The following PRKAG2 variants were observed in gnomAD, a reference collection of about 807,000 sequenced individuals.
The protein encoded by PRKAG2 is protein kinase AMP-activated non-catalytic subunit gamma 2, also known as 5'-AMP-activated protein kinase subunit gamma-2.
In PRKAG2, 26 loss-of-function variants were observed where a neutral mutation model predicts 69.6. The ratio of observed to expected loss-of-function variants is 0.37; its 90% CI spans 0.27 to 0.52. The LOEUF is 0.52. PRKAG2 is among the 20% of genes least tolerant of loss of function. The pLI, the probability that PRKAG2 is intolerant of heterozygous loss-of-function variation, is 0.90. For missense variants in PRKAG2, 557 were observed against 740.0 expected (o/e 0.75, Z 2.87); for synonymous variants, 293 against 285.0 (o/e 1.03, Z -0.28).
At chr7:151,844,384 CAAAGAGGCG>C (rs2079380701) in intron 1 of PRKAG2, among the ~76,000 whole-genome samples, 1 of 152,132 alleles carries the variant, frequency 6.6e-6, no homozygotes, top group Non-Finnish European at 1.5e-5. Flanking sequence ...GCGGCTTCCT[CAAAGAGGCG>C]GAAGAGGACC....
At chr7:151,709,552 C>A (rs1203804702) in intron 3 of PRKAG2, among the ~76,000 whole-genome samples, 1 of 152,030 alleles carries the variant, frequency 6.6e-6, no homozygotes, top group African/African-American at 2.4e-5. Flanking sequence ...CATTGAGTGA[C>A]TTTGATATTT....
intron 4 of PRKAG2, among the ~76,000 whole-genome samples, chr7:151,634,644 T>C (rs1825416751): frequency 6.6e-6 from 1 of 152,082 alleles, no homozygotes; most frequent in Non-Finnish European, 1.5e-5. Flanking sequence ...CTGGAATACA[T>C]AAACACTACC....
chr7:151,683,841 T>C (rs373500782), intron 3 of PRKAG2, among the ~76,000 whole-genome samples: 118 of 152,290 alleles, frequency 7.7e-4, no homozygotes, highest in African/African-American at 2.6e-3. Context: ...CGCGAGACCC[T>C]GTGTGACACA....
intron 3 of PRKAG2, chr7:151,736,383 CTTTTTT>C (rs34632609): frequency 5.4e-5 from 49 of 914,814 alleles, no homozygotes; most frequent in East Asian, 1.2e-4. Flanking sequence ...CTCTCCAGGG[CTTTTTT>C]TTTTTTTTTT....
intron 3 of PRKAG2, among the ~76,000 whole-genome samples, chr7:151,698,025 G>A (rs1836987502): frequency 6.6e-6 from 1 of 152,204 alleles, no homozygotes; most frequent in South Asian, 2.1e-4. Context: ...CCCCTGGGAA[G>A]CAGGCACTGT....
intron 3 of PRKAG2, among the ~76,000 whole-genome samples, chr7:151,737,063 G>GA (rs141476772): frequency 1.3e-5 from 2 of 151,878 alleles, no homozygotes; most frequent in Admixed American, 1.3e-4. Flanking sequence ...GCAAAAGATA[G>GA]AAAAAAAATC....
chr7:151,874,659 C>T (rs966095270), intron 1 of PRKAG2, among the ~76,000 whole-genome samples: 9 of 152,058 alleles, frequency 5.9e-5, no homozygotes, highest in African/African-American at 1.9e-4. Context: ...TCAAGGTGGG[C>T]GGGTCACTCG....
Position 151,766,630 on chromosome 7 carries a change from T to C in PRKAG2, c.466+14522A>G, listed in dbSNP as rs78095788. Among the ~76,000 whole-genome samples, 964 of 152,280 alleles carry C rather than the reference T, an allele frequency of 6.3e-3. 16 individuals carry two copies. Among genetic ancestry groups the C allele is most frequent in the African/African-American group, 0.021 (883 of 41,556 alleles). On this transcript the variant is annotated intron_variant, in intron 3 of 15. Transcript: ENST00000287878. ...GATGACCTATGCCCAGGCACTAGTG[T>C]GTTTCAAGAAAAAGGTGTCAGAGGA...
intron 1 of PRKAG2, among the ~76,000 whole-genome samples, chr7:151,838,270 C>CA (rs2079190100): frequency 6.6e-6 from 1 of 152,152 alleles, no homozygotes; most frequent in African/African-American, 2.4e-5. Flanking sequence ...TGCACCACTC[C>CA]ATGAAGGGCC....
rs2079673901 is a variant in PRKAG2, at chr7:151,854,982, TGCTCCACACACACCATGCTCCACACAC to T, written c.114+21498_114+21524del. 9.7e-5 allele frequency among the ~76,000 whole-genome samples: 2 copies of T among 20,632 alleles called. 1 individual carries two copies. Among genetic ancestry groups the T allele is most frequent in the Non-Finnish European group, 2.0e-4 (2 of 9,928 alleles). 13.5% of individuals were successfully genotyped at this position (20,632 alleles called of 152,430 possible). A position where few individuals can be genotyped will look rare whatever the true frequency, so the allele number is the denominator to read the frequency against. ...CACATACCACCCTCCACACACACCATGCTCCACACACACCATGCTCCACACACACCACCCTCCACACACACCATGCTC... is the reference window on the plus strand; with the variant it reads ...CACATACCACCCTCCACACACACCATACCACCCTCCACACACACCATGCTC... On this transcript the variant is annotated intron_variant, in intron 1 of 15. Transcript: ENST00000287878.
At chr7:151,706,656 G>T (rs1223019529) in intron 3 of PRKAG2, among the ~76,000 whole-genome samples, 1 of 152,242 alleles carries the variant, frequency 6.6e-6, no homozygotes, top group Non-Finnish European at 1.5e-5. Flanking sequence ...GAAATCTTCT[G>T]ACTTTCTTCC....
chr7:151,557,872 CAAAT>C (rs1426947864), intron 15 of PRKAG2: 1 of 942,932 alleles, frequency 1.1e-6, no homozygotes, highest in Non-Finnish European at 1.2e-6. Flanking sequence ...AACTCCGTCT[CAAAT>C]AAAAAAAAAA....
chr7:151,800,162 C>T (rs1229447530), intron 1 of PRKAG2, among the ~76,000 whole-genome samples: 1 of 151,850 alleles, frequency 6.6e-6, no homozygotes, highest in Non-Finnish European at 1.5e-5. Flanking sequence ...TCGAGACCAT[C>T]CTGGCTAACA....
chr7:151,743,211 T>C (rs2074025488), intron 3 of PRKAG2, among the ~76,000 whole-genome samples: 1 of 152,230 alleles, frequency 6.6e-6, no homozygotes, highest in East Asian at 1.9e-4. Flanking sequence ...ATAGGAACCG[T>C]ATTTTCTAAT....
chr7:151,800,174 G>A (rs895835143), intron 1 of PRKAG2, among the ~76,000 whole-genome samples: 9 of 151,876 alleles, frequency 5.9e-5, no homozygotes, highest in African/African-American at 1.5e-4. Flanking sequence ...TGGCTAACAT[G>A]GTGAAACCCT....
intron 1 of PRKAG2, among the ~76,000 whole-genome samples, chr7:151,869,364 G>A (rs1352783576): frequency 2.0e-5 from 3 of 152,180 alleles, no homozygotes; most frequent in Non-Finnish European, 2.9e-5. Context: ...AGGACCAAGC[G>A]CGAATAGGGC....
At chr7:151,665,540 G>A (rs1056230136) in intron 4 of PRKAG2, among the ~76,000 whole-genome samples, 4 of 152,188 alleles carry the variant, frequency 2.6e-5, no homozygotes, top group African/African-American at 9.7e-5. Flanking sequence ...CACTCTGCCT[G>A]TCTCTTCAGC....
At chr7:151,834,500 T>C (rs1002477164) in intron 1 of PRKAG2, among the ~76,000 whole-genome samples, 6 of 106,506 alleles carry the variant, frequency 5.6e-5, no homozygotes. Flanking sequence ...TGATGTGGGT[T>C]TCTGTTTAAA....
chr7:151,795,146 T>C (rs1785865856), intron 1 of PRKAG2, among the ~76,000 whole-genome samples: 1 of 152,194 alleles, frequency 6.6e-6, no homozygotes, highest in Admixed American at 6.5e-5. Flanking sequence ...CCAGCCTGTC[T>C]GAGATCCCCC....
Sources: gnomAD v4.1 joint callset for allele counts (sites outside exome capture counted in the v4.1 genomes callset) on GRCh38, gnomAD v4.1.1 for gene constraint, MANE v1.5 for transcripts, NCBI Gene and HGNC (gene_info 2026-07-23, HGNC 2026-07-21) for gene names.